PBX3: variants seen among roughly 807,000 people sequenced by gnomAD.
PBX3 encodes the protein pre-B-cell leukemia transcription factor 3.
A neutral mutation model predicts 48.5 loss-of-function variants in PBX3; 14 were observed. The ratio of observed to expected loss-of-function variants is 0.29; its 90% CI spans 0.19 to 0.45. PBX3 has a LOEUF of 0.45. Among genes scored for constraint, PBX3 ranks in the 20% least tolerant of loss-of-function variants. The probability of loss-of-function intolerance (pLI) is 1.00; values close to 1 mark genes in which losing one functional copy is unlikely to be tolerated. For missense variants in PBX3, 386 were observed against 546.7 expected (o/e 0.71, Z 2.93); for synonymous variants, 210 against 200.3 (o/e 1.05, Z -0.41).
chr9:125,957,652 T>G (rs1416479992), intron 5 of PBX3, among the ~76,000 whole-genome samples: 1 of 152,252 alleles, frequency 6.6e-6, no homozygotes, highest in Non-Finnish European at 1.5e-5. Context: ...TAATGTATTA[T>G]AGCTTCTCTG....
At chr9:125,828,283 A>T (rs573523512) in intron 2 of PBX3, among the ~76,000 whole-genome samples, 2 of 152,318 alleles carry the variant, frequency 1.3e-5, no homozygotes, top group African/African-American at 4.8e-5. Context: ...TACTGCCTAG[A>T]CAAATTTTCC....
intron 2 of PBX3, among the ~76,000 whole-genome samples, chr9:125,895,918 C>G (rs1318768125): frequency 6.6e-6 from 1 of 151,926 alleles, no homozygotes; most frequent in Non-Finnish European, 1.5e-5. Context: ...CAGTTTAATT[C>G]TCAGATAAGG....
At chr9:125,800,358 G>A (rs1837903281) in intron 2 of PBX3, among the ~76,000 whole-genome samples, 1 of 150,528 alleles carries the variant, frequency 6.6e-6, no homozygotes, top group African/African-American at 2.4e-5. Flanking sequence ...GTACCTCAGT[G>A]GTATATATTC....
In PBX3 at chr9:125,806,647, G is replaced by A. The variant is rs576467948; in HGVS notation, c.274+58024G>A. On this transcript the variant is annotated intron_variant, in intron 2 of 8. Transcript: ENST00000373489. ...CTGTTGCTTTGTGGATTAGGTTTCA[G>A]TATGAATTCTGGAGAGGGCACATGT... 1.2e-4 allele frequency among the ~76,000 whole-genome samples: 19 copies of A among 152,316 alleles called. No individual in the cohort carries two copies. The East Asian group carries it at 3.3e-3, about 26-fold the overall frequency.
chr9:125,954,064 TCTTA>T (rs1842251139), intron 5 of PBX3, among the ~76,000 whole-genome samples: 1 of 152,204 alleles, frequency 6.6e-6, no homozygotes, highest in Non-Finnish European at 1.5e-5. Flanking sequence ...CCTGCCCTTT[TCTTA>T]CTTTATGAAA....
At position 125,747,625 on chromosome 9, in the gene PBX3, G is replaced by A. The variant is rs1836227956; in HGVS notation, c.172G>A (p.Asp58Asn). ...CCTCCACCAGATCATGACCATCACC[G>A]ACCAGAGCTTGGACGAGGCGCAAGC... ...DILHQIMTIT[D>N]QSLDEAQAKK... Residue 58 changes from aspartate to asparagine, a missense_variant, in exon 1 of 9, where the codon GAC (aspartate) becomes AAC (asparagine). By Grantham distance (23) the Asp-to-Asn change is conservative. This residue lies in a region of PBX3 where 116 missense variants were observed against 98.2 expected (regional missense o/e 1.18). Coordinates refer to ENST00000373489, the MANE Select transcript of PBX3 (RefSeq NM_006195.6). 1.3e-6 allele frequency: 2 copies of A among 1,597,586 alleles called. No individual in the cohort carries two copies. The highest frequency in any genetic ancestry group is 1.7e-6 in the Non-Finnish European group (2 of 1,172,406).
chr9:125,778,603 T>A (rs1448992622), intron 2 of PBX3, among the ~76,000 whole-genome samples: 1 of 83,950 alleles, frequency 1.2e-5, no homozygotes, highest in Non-Finnish European at 2.4e-5. Flanking sequence ...TGTTGATCTT[T>A]TCTTTTTTTT....
intron 2 of PBX3, among the ~76,000 whole-genome samples, chr9:125,863,211 A>ATT (rs113830548): frequency 6.6e-4 from 85 of 128,770 alleles, no homozygotes; most frequent in South Asian, 3.3e-3. Flanking sequence ...ACATGACATG[A>ATT]TTTTTTTTTT....
chr9:125,763,164 A>G (rs562871078), intron 2 of PBX3, among the ~76,000 whole-genome samples: 2 of 152,246 alleles, frequency 1.3e-5, no homozygotes, highest in Non-Finnish European at 1.5e-5. Flanking sequence ...GAGAAAAGCA[A>G]TAGCTTTTGC....
At chr9:125,802,747 C>T (rs776464820) in intron 2 of PBX3, among the ~76,000 whole-genome samples, 1 of 151,552 alleles carries the variant, frequency 6.6e-6, no homozygotes, top group Admixed American at 6.6e-5. Flanking sequence ...GGTGCGATCT[C>T]GGCTCAGTGC....
chr9:125,931,278 C>T (rs1458151117), intron 4 of PBX3, among the ~76,000 whole-genome samples: 7 of 152,066 alleles, frequency 4.6e-5, no homozygotes, highest in Admixed American at 3.3e-4. Context: ...TTGAAGTTAC[C>T]AAATGGATAT....
rs536500012 is a variant in PBX3, at chr9:125,901,148, T to C, written c.275-14538T>C. ...GTTACTATTTCAATTAGTTTTCTTA[T>C]CTCAAGTTGATGTGATATCTACCCG... On this transcript the variant is annotated intron_variant, in intron 2 of 8. Transcript: ENST00000373489. Among the ~76,000 whole-genome samples, 6 of 151,850 alleles carry C rather than the reference T, an allele frequency of 4.0e-5. No individual in the cohort carries two copies. The South Asian group carries it at 1.2e-3, about 31-fold the overall frequency.
intron 5 of PBX3, among the ~76,000 whole-genome samples, chr9:125,945,469 T>C (rs2132558900): frequency 6.6e-6 from 1 of 152,324 alleles, no homozygotes; most frequent in Non-Finnish European, 1.5e-5. Context: ...TCAAGAAGGC[T>C]TTCCTTGATA....
At chr9:125,819,555 C>G (rs1027541471) in intron 2 of PBX3, among the ~76,000 whole-genome samples, 40 of 151,986 alleles carry the variant, frequency 2.6e-4, no homozygotes, top group African/African-American at 9.7e-4. Context: ...TCAATTCTAG[C>G]TATAATAGAT....
chr9:125,868,729 G>A (rs1345503139), intron 2 of PBX3, among the ~76,000 whole-genome samples: 4 of 152,184 alleles, frequency 2.6e-5, no homozygotes, highest in African/African-American at 9.7e-5. Context: ...AGACCTTAGC[G>A]ATACCCTACA....
intron 2 of PBX3, among the ~76,000 whole-genome samples, chr9:125,894,029 TTA>T (rs1439556857): frequency 6.6e-6 from 1 of 152,168 alleles, no homozygotes; most frequent in Admixed American, 6.5e-5. Flanking sequence ...CCTGTTTCTA[TTA>T]TATATCACCA....
chr9:125,833,488 CAAA>C (rs770658784), intron 2 of PBX3, among the ~76,000 whole-genome samples: 1 of 138,162 alleles, frequency 7.2e-6, no homozygotes, highest in Non-Finnish European at 1.6e-5. Flanking sequence ...GACGCTGTCT[CAAA>C]AAAAAAAAAA....
intron 5 of PBX3, among the ~76,000 whole-genome samples, chr9:125,936,227 G>A (rs1841832864): frequency 1.3e-5 from 2 of 152,146 alleles, no homozygotes; most frequent in African/African-American, 4.8e-5. Context: ...AATACATTTA[G>A]TTTTAGTCAG....
chr9:125,782,371 C>G (rs1387872402), intron 2 of PBX3, among the ~76,000 whole-genome samples: 2 of 152,130 alleles, frequency 1.3e-5, no homozygotes, highest in East Asian at 3.8e-4. Flanking sequence ...TGTGGGAATT[C>G]AAGATGAGAT....
Sources: allele counts gnomAD v4.1 joint callset (sites outside exome capture counted in the v4.1 genomes callset), GRCh38; gene constraint gnomAD v4.1.1; regional missense constraint gnomAD v4.1.1; transcripts MANE v1.5; gene names NCBI Gene and HGNC (gene_info 2026-07-23, HGNC 2026-07-21).